The following CSMD1 variants were observed in gnomAD, a reference collection of about 807,000 sequenced individuals.
CSMD1 encodes the protein CUB and sushi domain-containing protein 1.
CSMD1 carries 213 observed loss-of-function variants against 417.5 expected under a neutral mutation model. The ratio of observed to expected loss-of-function variants is 0.51; its 90% CI spans 0.46 to 0.57. CSMD1 has a LOEUF of 0.57. Among genes scored for constraint, CSMD1 ranks in the 20% least tolerant of loss-of-function variants. The pLI is 0.00. For missense variants in CSMD1, 6,923 were observed against 4,529.7 expected (o/e 1.53, Z -15.17); for synonymous variants, 2,862 against 1,736.8 (o/e 1.65, Z -16.11).
chr8:3,878,522 T>A (rs1372908595), intron 5 of CSMD1, among the ~76,000 whole-genome samples: 1 of 152,108 alleles, frequency 6.6e-6, no homozygotes, highest in African/African-American at 2.4e-5. Context: ...TTTTATTTAT[T>A]TAAAAAATGA....
chr8:4,259,638 C>G (rs958611940), intron 3 of CSMD1, among the ~76,000 whole-genome samples: 3 of 151,982 alleles, frequency 2.0e-5, no homozygotes, highest in African/African-American at 7.3e-5. Flanking sequence ...AGTCCTTACC[C>G]AAAACAATGC....
chr8:3,366,725 A>C (rs1244931148), intron 20 of CSMD1, among the ~76,000 whole-genome samples: 1 of 152,192 alleles, frequency 6.6e-6, no homozygotes, highest in African/African-American at 2.4e-5. Context: ...GATCTTGTAG[A>C]GTTGGTGAAG....
intron 5 of CSMD1, among the ~76,000 whole-genome samples, chr8:3,796,020 CATGTAT>C (rs1585012235): frequency 2.9e-5 from 1 of 34,746 alleles, no homozygotes; most frequent in Admixed American, 3.1e-4. Context: ...AGATATATAT[CATGTAT>C]AGATATAGAT....
At chr8:4,918,091 T>TA (rs59356744) in intron 1 of CSMD1, among the ~76,000 whole-genome samples, 3 of 151,410 alleles carry the variant, frequency 2.0e-5, no homozygotes, top group South Asian at 2.1e-4. Flanking sequence ...GCAATACTTT[T>TA]AAAAAAAGAA....
At chr8:3,799,242 T>C (rs1180639384) in intron 5 of CSMD1, among the ~76,000 whole-genome samples, 1 of 151,324 alleles carries the variant, frequency 6.6e-6, no homozygotes, top group Non-Finnish European at 1.5e-5. Context: ...TTTTTTTTCT[T>C]TGATCACAGC....
intron 3 of CSMD1, among the ~76,000 whole-genome samples, chr8:4,146,413 C>G (rs1804127822): frequency 6.7e-6 from 1 of 150,296 alleles, no homozygotes; most frequent in Admixed American, 6.6e-5. Context: ...GCACAGCAGA[C>G]TCCAAAGACG....
chr8:3,668,610 G>T (rs759252149), intron 7 of CSMD1, among the ~76,000 whole-genome samples: 1 of 152,010 alleles, frequency 6.6e-6, no homozygotes, highest in Non-Finnish European at 1.5e-5. Context: ...AAGAGACGAA[G>T]CCCTGGGGAG....
At chr8:4,413,872 G>A (rs1284375212) in intron 3 of CSMD1, among the ~76,000 whole-genome samples, 1 of 152,142 alleles carries the variant, frequency 6.6e-6, no homozygotes, top group Non-Finnish European at 1.5e-5. Context: ...TTTACAGGAA[G>A]GATACCTGGG....
At chr8:4,982,047 C>T (rs1810918855) in intron 1 of CSMD1, among the ~76,000 whole-genome samples, 1 of 152,174 alleles carries the variant, frequency 6.6e-6, no homozygotes, top group Non-Finnish European at 1.5e-5. Context: ...GAACTGAATT[C>T]TGCCAGCTGC....
intron 25 of CSMD1, among the ~76,000 whole-genome samples, chr8:3,305,618 C>T (rs1194445056): frequency 6.6e-6 from 1 of 151,962 alleles, no homozygotes; most frequent in Admixed American, 6.6e-5. Context: ...CTGCCAATGC[C>T]ATGCCCTTGG....
At chr8:4,351,249 GTCTT>G (rs957164587) in intron 3 of CSMD1, among the ~76,000 whole-genome samples, 18 of 152,172 alleles carry the variant, frequency 1.2e-4, no homozygotes, top group African/African-American at 3.1e-4. Context: ...TCTACATCCT[GTCTT>G]TCTAAGAAGT....
At chr8:3,243,823 TTA>T (rs1489491781) in intron 26 of CSMD1, among the ~76,000 whole-genome samples, 1 of 148,442 alleles carries the variant, frequency 6.7e-6, no homozygotes, top group African/African-American at 2.6e-5. Context: ...AATATTATAT[TTA>T]TATGTATATG....
intron 12 of CSMD1, among the ~76,000 whole-genome samples, chr8:3,417,301 T>C (rs1402195937): frequency 6.6e-6 from 1 of 152,228 alleles, no homozygotes; most frequent in Non-Finnish European, 1.5e-5. Context: ...CACTCTGCTG[T>C]AGCTGTTCAG....
intron 3 of CSMD1, among the ~76,000 whole-genome samples, chr8:4,372,479 T>G (rs1171718947): frequency 6.7e-6 from 1 of 148,538 alleles, no homozygotes; most frequent in African/African-American, 2.6e-5. Context: ...TAAGTGTCAC[T>G]TAAAACAACA....
chr8:4,365,386 G>T (rs1461604812), intron 3 of CSMD1, among the ~76,000 whole-genome samples: 1 of 152,040 alleles, frequency 6.6e-6, no homozygotes, highest in African/African-American at 2.4e-5. Context: ...CTGTATTTTA[G>T]GTGTTCTTTT....
chr8:2,971,273 T>A (rs1585072039), intron 57 of CSMD1, among the ~76,000 whole-genome samples: 1 of 152,282 alleles, frequency 6.6e-6, no homozygotes, highest in East Asian at 1.9e-4. Context: ...GACTCTACCA[T>A]CTCGGTAACG....
chr8:4,641,025 C>G (rs1253603800), intron 1 of CSMD1, among the ~76,000 whole-genome samples: 1 of 151,362 alleles, frequency 6.6e-6, no homozygotes, highest in African/African-American at 2.4e-5. Flanking sequence ...AGTTTGATTT[C>G]AATTTCAATT....
chr8:3,895,056 G>A (rs1414842330), intron 5 of CSMD1, among the ~76,000 whole-genome samples: 1 of 152,128 alleles, frequency 6.6e-6, no homozygotes, highest in Non-Finnish European at 1.5e-5. Context: ...GGTATAGGTG[G>A]AGTACAGCCA....
intron 61 of CSMD1, among the ~76,000 whole-genome samples, 159 bp from the exon 62 acceptor site, chr8:2,961,373 T>C (rs80231468): frequency 0.017 from 2,609 of 152,312 alleles, 66 homozygotes; most frequent in African/African-American, 0.058. Flanking sequence ...TTGCTACTTT[T>C]ATCTTCTCTT....
Sources: gnomAD v4.1 joint callset for allele counts (sites outside exome capture counted in the v4.1 genomes callset) on GRCh38, gnomAD v4.1.1 for gene constraint, MANE v1.5 for transcripts, NCBI Gene and HGNC (gene_info 2026-07-23, HGNC 2026-07-21) for gene names.